Variants in CDH13 observed in about 807,000 individuals in gnomAD.
CDH13 encodes cadherin 13.
In CDH13, 24 loss-of-function variants were observed where a neutral mutation model predicts 63.8. That is an observed-to-expected ratio of 0.38 (90% CI 0.27 to 0.53). CDH13 has a LOEUF of 0.53. CDH13 is among the 20% of genes least tolerant of loss of function. The probability of loss-of-function intolerance (pLI) is 0.85; values close to 1 mark genes in which losing one functional copy is unlikely to be tolerated. For synonymous variants in CDH13, 503 were observed against 355.3 expected, an observed-to-expected ratio of 1.42 and a Z score of -4.67; for missense variants, 1,049 against 903.1, an observed-to-expected ratio of 1.16 and a Z score of -2.07.
At chr16:83,263,264 A>G (rs1017797996) in intron 5 of CDH13, among the ~76,000 whole-genome samples, 8 of 152,366 alleles carry the variant, frequency 5.3e-5, no homozygotes, top group African/African-American at 1.9e-4. Context: ...TTTTTGTACA[A>G]AACATCCTTT....
intron 8 of CDH13, among the ~76,000 whole-genome samples, chr16:83,617,810 G>C (rs187993215): frequency 3.3e-5 from 5 of 151,690 alleles, no homozygotes; most frequent in Admixed American, 2.6e-4. Context: ...CATGTATTCT[G>C]TTCTAATATA....
At chr16:82,831,720 C>T (rs1350235844) in intron 1 of CDH13, among the ~76,000 whole-genome samples, 1 of 152,198 alleles carries the variant, frequency 6.6e-6, no homozygotes, top group East Asian at 1.9e-4. Flanking sequence ...CCACATTGTT[C>T]CATGGGGCCA....
intron 1 of CDH13, among the ~76,000 whole-genome samples, chr16:82,852,521 C>A (rs9924245): frequency 2.8e-3 from 421 of 152,280 alleles, no homozygotes; most frequent in African/African-American, 9.7e-3. Flanking sequence ...ACGTGAGAAT[C>A]CTTCCACCCT....
intron 1 of CDH13, among the ~76,000 whole-genome samples, chr16:82,642,960 A>G (rs1483146292): frequency 2.0e-5 from 3 of 152,224 alleles, no homozygotes; most frequent in Non-Finnish European, 2.9e-5. Context: ...ACAAGACCAC[A>G]TGTTGTATGA....
intron 1 of CDH13, among the ~76,000 whole-genome samples, chr16:82,721,751 C>T (rs1380065497): frequency 6.6e-6 from 1 of 152,108 alleles, no homozygotes; most frequent in Non-Finnish European, 1.5e-5. Context: ...CAATCAAAGC[C>T]ATTAGGAATT....
intron 11 of CDH13, among the ~76,000 whole-genome samples, chr16:83,777,023 C>G (rs373539333): frequency 2.8e-4 from 43 of 152,336 alleles, no homozygotes; most frequent in African/African-American, 1.0e-3. Flanking sequence ...GGTCTTCCCA[C>G]TTCCCACTGC....
intron 6 of CDH13, among the ~76,000 whole-genome samples, chr16:83,369,772 C>A (rs2091329162): frequency 6.6e-6 from 1 of 152,144 alleles, no homozygotes; most frequent in Non-Finnish European, 1.5e-5. Context: ...CCCCACTCCT[C>A]CTAGGTCACT....
chr16:83,652,453 G>A (rs1567484251), intron 8 of CDH13, among the ~76,000 whole-genome samples: 1 of 152,066 alleles, frequency 6.6e-6, no homozygotes, highest in Non-Finnish European at 1.5e-5. Context: ...GATTCTCCAT[G>A]GGCTGCAGGG....
intron 8 of CDH13, among the ~76,000 whole-genome samples, chr16:83,634,573 G>C (rs989590161): frequency 6.6e-6 from 1 of 151,970 alleles, no homozygotes; most frequent in Admixed American, 6.6e-5. Flanking sequence ...GCTAATTTTT[G>C]TATTTTTAGT....
intron 12 of CDH13, among the ~76,000 whole-genome samples, chr16:83,782,180 C>G (rs1329211490): frequency 6.6e-6 from 1 of 150,758 alleles, no homozygotes; most frequent in Non-Finnish European, 1.5e-5. Context: ...GTTTTTTTTT[C>G]TGAATATTTA....
chr16:83,439,956 G>A (rs746058783), intron 6 of CDH13, among the ~76,000 whole-genome samples: 7 of 152,208 alleles, frequency 4.6e-5, no homozygotes, highest in Admixed American at 1.3e-4. Flanking sequence ...GGTGTCAAAT[G>A]TAAAGAAGAA....
At chr16:82,827,218 C>G (rs778436848) in intron 1 of CDH13, among the ~76,000 whole-genome samples, 2 of 152,084 alleles carry the variant, frequency 1.3e-5, no homozygotes, top group African/African-American at 2.4e-5. Flanking sequence ...TTGTAATTTC[C>G]CAGACAGAGA....
At chr16:82,985,632 AC>A (rs1910841701) in intron 2 of CDH13, among the ~76,000 whole-genome samples, 1 of 152,052 alleles carries the variant, frequency 6.6e-6, no homozygotes, top group African/African-American at 2.4e-5. Context: ...CAGGACCCTC[AC>A]CCTCTCTGAA....
chr16:82,839,549 C>T (rs1435812221), intron 1 of CDH13, among the ~76,000 whole-genome samples: 1 of 152,184 alleles, frequency 6.6e-6, no homozygotes, highest in Non-Finnish European at 1.5e-5. Flanking sequence ...CCAGCCCTGT[C>T]TCCTCCCTTG....
intron 8 of CDH13, among the ~76,000 whole-genome samples, chr16:83,663,223 G>C (rs1313160806): frequency 6.6e-6 from 1 of 152,178 alleles, no homozygotes; most frequent in East Asian, 1.9e-4. Context: ...AAGGAAGCTA[G>C]GATCACATGA....
intron 3 of CDH13, among the ~76,000 whole-genome samples, chr16:83,113,565 T>C (rs563861485): frequency 1.3e-5 from 2 of 152,322 alleles, no homozygotes; most frequent in East Asian, 3.9e-4. Flanking sequence ...CATGAAAGAC[T>C]GGCACTGACG....
chr16:83,126,722 T>G (rs1477350958), intron 4 of CDH13, among the ~76,000 whole-genome samples: 2 of 152,082 alleles, frequency 1.3e-5, no homozygotes, highest in African/African-American at 4.8e-5. Flanking sequence ...AGCCTGGAAT[T>G]CGAAAAATGG....
intron 3 of CDH13, among the ~76,000 whole-genome samples, chr16:83,090,509 G>A (rs893463243): frequency 6.6e-6 from 1 of 150,728 alleles, no homozygotes; most frequent in African/African-American, 2.4e-5. Flanking sequence ...AGGAGGCAGA[G>A]GTTGCAGTGA....
At chr16:83,634,038 T>C (rs932632307) in intron 8 of CDH13, among the ~76,000 whole-genome samples, 1 of 152,014 alleles carries the variant, frequency 6.6e-6, no homozygotes, top group African/African-American at 2.4e-5. Flanking sequence ...AGTGCAACAA[T>C]ACCAAGAGCA....
Sources: allele counts gnomAD v4.1 joint callset (sites outside exome capture counted in the v4.1 genomes callset), GRCh38; gene constraint gnomAD v4.1.1; transcripts MANE v1.5; gene names NCBI Gene and HGNC (gene_info 2026-07-23, HGNC 2026-07-21).